Variants in DNAAF8 observed in about 807,000 individuals in gnomAD.
DNAAF8 encodes the protein dynein axonemal assembly factor 8.
In DNAAF8, 61 loss-of-function variants were observed where a neutral mutation model predicts 54.6. The observed-to-expected ratio is 1.12, with a 90% CI of 0.91 to 1.38. The LOEUF is 1.38. Ranked by LOEUF, DNAAF8 falls within the 40% of genes most tolerant of loss-of-function variation. The pLI is 0.00. For missense variants in DNAAF8, 837 were observed against 665.0 expected (o/e 1.26, Z -2.85); for synonymous variants, 320 against 270.1 (o/e 1.18, Z -1.81).
intron 3 of DNAAF8, 128 bp from the exon 4 acceptor site, chr16:4,740,025 C>T (rs1172009444): frequency 8.3e-7 from 1 of 1,211,710 alleles, no homozygotes. Context: ...CACCACTGCA[C>T]TGCAGCCTGG....
chr16:4,740,058 C>CAAAAAA, intron 3 of DNAAF8, 95 bp from the exon 4 acceptor site: 1 of 1,212,892 alleles, frequency 8.2e-7, no homozygotes, highest in Non-Finnish European at 1.1e-6. Flanking sequence ...GACTTCACCT[C>CAAAAAA]AAAAAAAAAA....
At chr16:4,737,610 C>T (rs1030613520) in intron 2 of DNAAF8, among the ~76,000 whole-genome samples, 190 bp from the exon 3 acceptor site, 1 of 152,156 alleles carries the variant, frequency 6.6e-6, no homozygotes, top group African/African-American at 2.4e-5. Flanking sequence ...GGCAAGAAGC[C>T]GCGCACAGCA....
chr16:4,740,565 T>C lies in DNAAF8; in HGVS notation c.689T>C (p.Val230Ala). The change falls in exon 4 of 10, where the codon GTG becomes GCG. Residue 230 changes from valine to alanine, a missense_variant. Physicochemically the swap from Val to Ala is moderately conservative, Grantham distance 64. Transcript: ENST00000299320. Reference protein sequence around the residue: ...CGPTSSDKGGVKEAPCHAAES... With the variant: ...CGPTSSDKGGAKEAPCHAAES... ...CCGACCAGCAGTGACAAAGGTGGGG[T>C]GAAGGAGGCGCCCTGCCACGCTGCG... is the stretch of plus-strand genomic sequence containing the variant. 6.2e-7 allele frequency: 1 copy of C among 1,613,480 alleles called. No individual in the cohort carries two copies. Among genetic ancestry groups the C allele is most frequent in the South Asian group, 1.1e-5 (1 of 91,054 alleles).
chr16:4,744,630 C>G (rs1370004820), intron 5 of DNAAF8, among the ~76,000 whole-genome samples: 2 of 95,172 alleles, frequency 2.1e-5, no homozygotes, highest in African/African-American at 6.5e-5. Context: ...ATACGTCACT[C>G]CTACTTCACC....
intron 2 of DNAAF8, 49 bp downstream of exon 2, chr16:4,736,692 G>C (rs201619069): frequency 5.3e-5 from 78 of 1,479,622 alleles, no homozygotes; most frequent in Non-Finnish European, 6.1e-5. Context: ...TACCAGAGCA[G>C]GCATGACGCT....
chr16:4,746,049 G>A lies in DNAAF8; in HGVS notation c.1044-326G>A, dbSNP rs540057714. The stretch of plus-strand genomic sequence containing the variant: ...CGTGTGTGGCTACTAAACACCTAAC[G>A]TGGTGAATGTGACTGAGGAACTGAA... On this transcript the variant is annotated intron_variant, in intron 6 of 9. Coordinates refer to ENST00000299320, the MANE Select transcript of DNAAF8 (RefSeq NM_139170.3). 35 of 224,152 alleles carry A rather than the reference G, an allele frequency of 1.6e-4. No individual in the cohort carries two copies. In the East Asian group the frequency reaches 3.4e-3, roughly 22 times the overall value. 13.9% of individuals were successfully genotyped at this position (224,152 alleles called of 1,614,324 possible).
rs1489339298 is a variant in DNAAF8, at chr16:4,740,432, C to G, written c.556C>G (p.Leu186Val). ...TGAAGGAGACCCAAAGGCAGAGCCC[C>G]TCAGCACTGCCTCACAAGAATCTGT... ...CHEGDPKAEPLSTASQESVNR... is the reference protein window; with the variant it reads ...CHEGDPKAEPVSTASQESVNR... The change falls in exon 4 of 10, where the codon CTC becomes GTC. Residue 186 changes from leucine (L) to valine (V), a missense_variant. Physicochemically the swap from Leu to Val is conservative, Grantham distance 32. Coordinates refer to ENST00000299320, the MANE Select transcript of DNAAF8 (RefSeq NM_139170.3). 6.2e-7 allele frequency: 1 copy of G among 1,613,972 alleles called. No homozygotes were observed. Among genetic ancestry groups the G allele is most frequent in the South Asian group, 1.1e-5 (1 of 91,092 alleles).
At chr16:4,740,914 GCGGCT>G (rs1443019618) in intron 4 of DNAAF8, among the ~76,000 whole-genome samples, 1 of 152,126 alleles carries the variant, frequency 6.6e-6, no homozygotes, top group Non-Finnish European at 1.5e-5. Context: ...GCCAGGCACA[GCGGCT>G]CGCACCTGTA....
chr16:4,741,242 A>G (rs1220147870), intron 4 of DNAAF8, among the ~76,000 whole-genome samples: 1 of 119,876 alleles, frequency 8.3e-6, no homozygotes, highest in East Asian at 2.5e-4. Context: ...TCAAAAAAAA[A>G]AAAAAAGAAA....
chr16:4,747,289 C>A, intron 8 of DNAAF8, 54 bp from the exon 9 acceptor site: 1 of 1,509,354 alleles, frequency 6.6e-7, no homozygotes, highest in Non-Finnish European at 8.9e-7. Context: ...GTAAGGAGGG[C>A]TGGGAGGGGC....
intron 3 of DNAAF8, 91 bp from the exon 4 acceptor site, chr16:4,740,062 A>AC: frequency 7.0e-7 from 1 of 1,419,890 alleles, no homozygotes; most frequent in East Asian, 2.3e-5. Context: ...TCACCTCAAA[A>AC]AAAAAAAAAA....
At chr16:4,745,159 A>G in intron 6 of DNAAF8, 148 bp downstream of exon 6, 1 of 1,111,126 alleles carries the variant, frequency 9.0e-7, no homozygotes, top group East Asian at 2.6e-5. Flanking sequence ...CGCTCCAGTC[A>G]TCCCCATTTT....
chr16:4,741,280 T>C (rs1596483899), intron 4 of DNAAF8, among the ~76,000 whole-genome samples: 1 of 145,214 alleles, frequency 6.9e-6, no homozygotes, highest in African/African-American at 2.5e-5. Context: ...AAAGAAAGAA[T>C]GTATAAATTT....
At chr16:4,746,278 GGTGGCAGCCACGAGCACT>G (rs2082016499) in intron 6 of DNAAF8, 79 bp from the exon 7 acceptor site, 3 of 1,328,958 alleles carry the variant, frequency 2.3e-6, no homozygotes, top group Non-Finnish European at 3.1e-6. Flanking sequence ...GCACTCACTG[GGTGGCAGCCACGAGCACT>G]GTGACTGGAC....
At chr16:4,741,366 C>G (rs2081959803) in intron 4 of DNAAF8, among the ~76,000 whole-genome samples, 1 of 152,126 alleles carries the variant, frequency 6.6e-6, no homozygotes, top group Non-Finnish European at 1.5e-5. Flanking sequence ...AAATATAGAA[C>G]CTGGTTCTGT....
At chr16:4,737,967 T>C in intron 3 of DNAAF8, 21 bp downstream of exon 3, 1 of 1,611,042 alleles carries the variant, frequency 6.2e-7, no homozygotes, top group Non-Finnish European at 8.5e-7. Flanking sequence ...CACAGAAGAG[T>C]ATACGCCTGT....
rs1301560659 is a variant in DNAAF8 at position 4,740,587 on chromosome 16, T to C, written c.711T>C (p.Ala237=). The C allele has an allele frequency of 1.9e-6, 3 of 1,613,360 alleles. No homozygotes were observed. The South Asian group carries it at 3.3e-5, about 18-fold the overall frequency. The change falls in exon 4 of 10, where the codon GCT becomes GCC. Residue 237 remains alanine, a synonymous_variant. Transcript: ENST00000299320. The part of the protein sequence containing the change: ...KGGVKEAPCH[A]AESAPRSKMP... ...GGGTGAAGGAGGCGCCCTGCCACGC[T>C]GCGGAGTCAGCTCCCAGATCCAAAA...
At chr16:4,740,774 C>A in intron 4 of DNAAF8, 115 bp downstream of exon 4, 1 of 1,285,048 alleles carries the variant, frequency 7.8e-7, no homozygotes, top group Non-Finnish European at 1.1e-6. Context: ...GGACCTTAGG[C>A]CCATTATCCA....
intron 1 of DNAAF8, among the ~76,000 whole-genome samples, chr16:4,735,464 T>C (rs116221720): frequency 1.3e-5 from 2 of 152,062 alleles, no homozygotes; most frequent in African/African-American, 4.8e-5. Context: ...GGGCACTGAC[T>C]GCAGGGCCAA....
Sources: gnomAD v4.1 joint callset for allele counts (sites outside exome capture counted in the v4.1 genomes callset) on GRCh38, gnomAD v4.1.1 for gene constraint, MANE v1.5 for transcripts, NCBI Gene and HGNC (gene_info 2026-07-23, HGNC 2026-07-21) for gene names.